SH3BGRL2: variants seen among roughly 807,000 people sequenced by gnomAD.
SH3BGRL2 encodes the protein SH3 domain-binding glutamic acid-rich-like protein 2.
In SH3BGRL2, 21 loss-of-function variants were observed where a neutral mutation model predicts 14.8. That is an observed-to-expected ratio of 1.42 (90% confidence interval 1.01 to 2.05). The LOEUF (loss-of-function observed/expected upper bound fraction) is 2.05, where lower values mean the gene tolerates loss of function less well. Among genes scored for constraint, SH3BGRL2 ranks in the 30% most tolerant of loss-of-function variants. The pLI, the probability that SH3BGRL2 is intolerant of heterozygous loss-of-function variation, is 0.00. For missense variants in SH3BGRL2, 147 were observed against 130.8 expected (o/e 1.12, Z -0.61); for synonymous variants, 50 against 47.8 (o/e 1.05, Z -0.19).
At chr6:79,669,329 T>A (rs1168855514) in intron 1 of SH3BGRL2, among the ~76,000 whole-genome samples, 1 of 152,114 alleles carries the variant, frequency 6.6e-6, no homozygotes, top group Non-Finnish European at 1.5e-5. Flanking sequence ...GAATCAGCCC[T>A]GTTGTTGGTT....
intron 2 of SH3BGRL2, among the ~76,000 whole-genome samples, chr6:79,677,902 T>A (rs1769916551): frequency 6.6e-6 from 1 of 152,214 alleles, no homozygotes; most frequent in East Asian, 1.9e-4. Flanking sequence ...GCTTTTATGA[T>A]GAATTGTAGT....
At chr6:79,538,859 G>A in the SH3BGRL2 span, among the ~76,000 whole-genome samples, 1 of 152,216 alleles carries the variant, frequency 6.6e-6, no homozygotes, top group South Asian at 2.1e-4. Context: ...GTTATTCATT[G>A]TTTATACTTG....
At chr6:79,595,056 C>G in the SH3BGRL2 span, among the ~76,000 whole-genome samples, 41 of 152,156 alleles carry the variant, frequency 2.7e-4, no homozygotes, top group East Asian at 6.8e-3. Context: ...GAGGCTGAAG[C>G]GGGTAGATCA....
the SH3BGRL2 span, among the ~76,000 whole-genome samples, chr6:79,624,286 A>G: frequency 6.7e-6 from 1 of 149,848 alleles, no homozygotes; most frequent in African/African-American, 2.4e-5. Flanking sequence ...TCATATATAT[A>G]TCATCTATAT....
At chr6:79,634,921 GGA>G (rs1768894369) in intron 1 of SH3BGRL2, among the ~76,000 whole-genome samples, 1 of 152,176 alleles carries the variant, frequency 6.6e-6, no homozygotes, top group Non-Finnish European at 1.5e-5. Flanking sequence ...TTGGAGCCTG[GGA>G]GAGAGTTCTT....
chr6:79,656,348 C>G (rs1196640414), intron 1 of SH3BGRL2, among the ~76,000 whole-genome samples: 1 of 152,172 alleles, frequency 6.6e-6, no homozygotes, highest in South Asian at 2.1e-4. Context: ...GTGGTGCCAT[C>G]GCTAAGATCT....
rs1361937977 is a variant in SH3BGRL2 at position 79,699,851 on chromosome 6, G to A, written c.*342G>A. The A allele has an allele frequency of 3.3e-6, 1 of 301,644 alleles. No homozygotes were observed. Among genetic ancestry groups the A allele is most frequent in the Non-Finnish European group, 6.0e-6 (1 of 166,470 alleles). 18.7% of individuals were successfully genotyped at this position (301,644 alleles called of 1,614,324 possible). A position where few individuals can be genotyped will look rare whatever the true frequency, so the allele number is the denominator to read the frequency against. On this transcript the variant is annotated 3_prime_UTR_variant, in exon 4 of 4. Transcript: ENST00000369838. ...AATGTTGGATCTGCCCTAGGTTATA[G>A]TAGATGCCGGAATTGCGTAAACCCA...
At chr6:79,618,391 T>C in the SH3BGRL2 span, among the ~76,000 whole-genome samples, 1 of 152,206 alleles carries the variant, frequency 6.6e-6, no homozygotes, top group Non-Finnish European at 1.5e-5. Flanking sequence ...CATCATTCTT[T>C]GGGCATTTTT....
At position 79,699,704 on chromosome 6, in the gene SH3BGRL2, G is replaced by T; in HGVS notation, c.*195G>T. The T allele has an allele frequency of 5.5e-6, 4 of 722,084 alleles. No individual in the cohort carries two copies. Among genetic ancestry groups the T allele is most frequent in the Non-Finnish European group, 6.0e-6 (3 of 496,522 alleles). 44.7% of individuals were successfully genotyped at this position (722,084 alleles called of 1,614,324 possible). A position where few individuals can be genotyped will look rare whatever the true frequency, so the allele number is the denominator to read the frequency against. Reference sequence around the variant, plus strand: ...ATTGCTTTAAACCAAATCAGGTGGTGGATTTTTTTTTTCTTATTCTATTTG... The same window carrying T: ...ATTGCTTTAAACCAAATCAGGTGGTTGATTTTTTTTTTCTTATTCTATTTG... On this transcript the variant is annotated 3_prime_UTR_variant, in exon 4 of 4. Transcript: ENST00000369838.
At chr6:79,555,039 T>C in the SH3BGRL2 span, among the ~76,000 whole-genome samples, 1 of 152,128 alleles carries the variant, frequency 6.6e-6, no homozygotes, top group African/African-American at 2.4e-5. Context: ...AAGAAAAAAA[T>C]CTAAAATTAT....
the SH3BGRL2 span, among the ~76,000 whole-genome samples, chr6:79,590,424 G>GATTGATATATATAT: frequency 8.8e-4 from 59 of 66,678 alleles, no homozygotes; most frequent in African/African-American, 4.1e-3. Context: ...AAGAAAATGT[G>GATTGATATATATAT]ATATATATAT....
intron 1 of SH3BGRL2, among the ~76,000 whole-genome samples, chr6:79,651,928 T>C (rs565733488): frequency 6.6e-6 from 1 of 152,182 alleles, no homozygotes; most frequent in Non-Finnish European, 1.5e-5. Flanking sequence ...AGGGCTGTTC[T>C]GTGCATTTTA....
intron 2 of SH3BGRL2, among the ~76,000 whole-genome samples, chr6:79,676,187 A>AC (rs1769879069): frequency 6.6e-6 from 1 of 151,376 alleles, no homozygotes; most frequent in Non-Finnish European, 1.5e-5. Flanking sequence ...GGAAGGTCTC[A>AC]CTCTCTAGCG....
the SH3BGRL2 span, among the ~76,000 whole-genome samples, chr6:79,551,302 G>A: frequency 2.0e-5 from 3 of 152,144 alleles, no homozygotes; most frequent in African/African-American, 4.8e-5. Context: ...GCAGTAGACA[G>A]TATTGCAATA....
the SH3BGRL2 span, chr6:79,552,816 A>G: frequency 6.6e-6 from 1 of 152,356 alleles, no homozygotes; most frequent in Non-Finnish European, 1.5e-5. Flanking sequence ...TCAGATGTCA[A>G]AATAGGGGCT....
In SH3BGRL2 at chr6:79,685,323, A is replaced by G. The variant is rs553095699; in HGVS notation, c.232-11162A>G. 1.6e-4 allele frequency among the ~76,000 whole-genome samples: 24 copies of G among 152,304 alleles called. No homozygotes were observed. The East Asian group carries it at 4.1e-3, about 26-fold the overall frequency. On this transcript the variant is annotated intron_variant, in intron 2 of 3. Transcript: ENST00000369838. ...CTCTCTTTCTGAATCTTATGCAATT[A>G]ATGAAGAGAGAACAAAACTGTTAAG...
At chr6:79,542,057 C>G in the SH3BGRL2 span, among the ~76,000 whole-genome samples, 1 of 152,136 alleles carries the variant, frequency 6.6e-6, no homozygotes, top group African/African-American at 2.4e-5. Context: ...ATACCTGCCT[C>G]TACTGGTCAT....
chr6:79,630,528 G>A (rs1485907729), upstream of SH3BGRL2, among the ~76,000 whole-genome samples: 4 of 152,168 alleles, frequency 2.6e-5, no homozygotes, highest in Admixed American at 2.6e-4. Context: ...CTGGGAAACT[G>A]CGCTGGAATG....
the SH3BGRL2 span, chr6:79,552,997 T>G: frequency 2.6e-5 from 4 of 152,302 alleles, no homozygotes; most frequent in South Asian, 8.3e-4. Flanking sequence ...ATTGCTTTGG[T>G]GAATTAGACC....
Sources: gnomAD v4.1 joint callset for allele counts (sites outside exome capture counted in the v4.1 genomes callset) on GRCh38, gnomAD v4.1.1 for gene constraint, MANE v1.5 for transcripts, NCBI Gene and HGNC (gene_info 2026-07-23, HGNC 2026-07-21) for gene names.